Variants in SKAP1 observed in about 807,000 individuals in gnomAD.
SKAP1 encodes src kinase associated phosphoprotein 1, also known as src kinase-associated phosphoprotein 1.
SKAP1 carries 44 observed loss-of-function variants against 58.5 expected under a neutral mutation model. The observed-to-expected ratio is 0.75, with a 90% CI of 0.59 to 0.97. The LOEUF is 0.97. Ranked by LOEUF, SKAP1 falls within the 50% of genes least tolerant of loss-of-function variation. The pLI is 0.00. For synonymous variants in SKAP1, 127 were observed against 149.7 expected (o/e 0.85, Z 1.11); for missense variants, 390 against 435.2 (o/e 0.90, Z 0.92).
At chr17:48,193,100 G>A (rs935280945) in intron 4 of SKAP1, among the ~76,000 whole-genome samples, 1 of 152,096 alleles carries the variant, frequency 6.6e-6, no homozygotes, top group African/African-American at 2.4e-5. Context: ...GGAGTGTAAT[G>A]GTGTGATCTC....
chr17:48,332,000 A>T (rs2066512966), intron 4 of SKAP1, among the ~76,000 whole-genome samples: 1 of 152,146 alleles, frequency 6.6e-6, no homozygotes, highest in South Asian at 2.1e-4. Flanking sequence ...CTCTCTTCAC[A>T]TTATGTTGTA....
At position 48,396,797 on chromosome 17, in the gene SKAP1, G is replaced by A. The variant is rs895139598; in HGVS notation, c.47-12C>T. The A allele has an allele frequency of 5.6e-6, 9 of 1,594,940 alleles. No individual in the cohort carries two copies. The Admixed American group carries it at 1.5e-4, about 27-fold the overall frequency. ...AAACTCTTCAGCATCTAAAAGAAAA[G>A]GAAAGTTGATAAAACAGAAAAGATG... On this transcript the variant is annotated splice_polypyrimidine_tract_variant and intron_variant, in intron 1 of 12. Transcript: ENST00000336915.
At chr17:48,442,413 A>G in the SKAP1 span, among the ~76,000 whole-genome samples, 1 of 152,096 alleles carries the variant, frequency 6.6e-6, no homozygotes, top group African/African-American at 2.4e-5. Flanking sequence ...AAAGTTTCCA[A>G]TTCTGAGCCC....
chr17:48,305,166 T>G (rs1598542656), intron 4 of SKAP1, among the ~76,000 whole-genome samples: 1 of 152,298 alleles, frequency 6.6e-6, no homozygotes, highest in Non-Finnish European at 1.5e-5. Context: ...AAGTTTTTGT[T>G]GTTGTTGTTG....
At chr17:48,192,909 G>C (rs1311811969) in intron 4 of SKAP1, among the ~76,000 whole-genome samples, 1 of 152,136 alleles carries the variant, frequency 6.6e-6, no homozygotes, top group African/African-American at 2.4e-5. Flanking sequence ...TGCTAAAATT[G>C]GGTACCAAAG....
chr17:48,403,997 G>A (rs1350494692), intron 1 of SKAP1, among the ~76,000 whole-genome samples: 2 of 151,592 alleles, frequency 1.3e-5, no homozygotes, highest in African/African-American at 2.4e-5. Context: ...GCTGAGGCAG[G>A]AGAATCCCTT....
At chr17:48,168,046 T>C (rs969192093) in intron 10 of SKAP1, among the ~76,000 whole-genome samples, 1 of 152,186 alleles carries the variant, frequency 6.6e-6, no homozygotes, top group African/African-American at 2.4e-5. Flanking sequence ...GAGCAATCAA[T>C]ACTACAAGGC....
intron 4 of SKAP1, among the ~76,000 whole-genome samples, chr17:48,205,037 TTCTCTC>T (rs376567367): frequency 3.6e-5 from 2 of 55,742 alleles, no homozygotes; most frequent in Admixed American, 2.5e-4. Context: ...CTTTCTTTCT[TTCTCTC>T]TCTCTCTTTC....
intron 11 of SKAP1, among the ~76,000 whole-genome samples, chr17:48,142,190 C>T (rs757582591): frequency 3.8e-5 from 5 of 131,602 alleles, no homozygotes; most frequent in Non-Finnish European, 6.7e-5. Flanking sequence ...AGGCCGGGCG[C>T]GGTGGCTCAC....
intron 2 of SKAP1, among the ~76,000 whole-genome samples, chr17:48,393,571 T>C (rs150758932): frequency 1.2e-4 from 19 of 152,098 alleles, no homozygotes; most frequent in South Asian, 1.2e-3. Context: ...TTACAGCAAG[T>C]CCACAACCAT....
At chr17:48,369,911 C>T (rs1389632705) in intron 2 of SKAP1, among the ~76,000 whole-genome samples, 1 of 152,178 alleles carries the variant, frequency 6.6e-6, no homozygotes, top group East Asian at 1.9e-4. Context: ...TTAACTGAGT[C>T]TTTCTCTAAA....
intron 4 of SKAP1, among the ~76,000 whole-genome samples, chr17:48,239,181 A>G (rs2065215255): frequency 6.6e-6 from 1 of 152,188 alleles, no homozygotes; most frequent in South Asian, 2.1e-4. Context: ...TAACACAATA[A>G]CCATCTCTGG....
At chr17:48,136,828 A>AT (rs34823377) in intron 12 of SKAP1, 64 of 149,972 alleles carry the variant, frequency 4.3e-4, no homozygotes, top group African/African-American at 8.7e-4. Context: ...CACCTGACTA[A>AT]TTTTTTTTTT....
the SKAP1 span, among the ~76,000 whole-genome samples, chr17:48,437,283 C>T: frequency 6.6e-6 from 1 of 152,148 alleles, no homozygotes; most frequent in African/African-American, 2.4e-5. Context: ...TCAGAAAGAC[C>T]TGGGTCCCGT....
In SKAP1 at chr17:48,197,888, A is replaced by C. The variant is rs185898774; in HGVS notation, c.281-8388T>G. 1.3e-3 allele frequency among the ~76,000 whole-genome samples: 196 copies of C among 152,316 alleles called. 1 individual carries two copies. Among genetic ancestry groups the C allele is most frequent in the African/African-American group, 4.4e-3 (182 of 41,548 alleles). On this transcript the variant is annotated intron_variant, in intron 4 of 12. Transcript: ENST00000336915. ...TGTCTAGGAGACCTGTGGTCTTGCA[A>C]GATGCTCTCTTCCACATCTTCACTT... is the stretch of plus-strand genomic sequence containing the variant.
chr17:48,322,107 C>CAA (rs530952123), intron 4 of SKAP1, among the ~76,000 whole-genome samples: 33 of 152,334 alleles, frequency 2.2e-4, no homozygotes, highest in African/African-American at 7.2e-4. Flanking sequence ...GACTGTACTT[C>CAA]AAAGCCTACT....
At chr17:48,139,529 G>A (rs2063743754) in intron 11 of SKAP1, among the ~76,000 whole-genome samples, 1 of 152,134 alleles carries the variant, frequency 6.6e-6, no homozygotes, top group Admixed American at 6.5e-5. Context: ...CAGTTCAATT[G>A]GATTTGGGGT....
At chr17:48,359,328 T>C (rs1057336944) in intron 3 of SKAP1, among the ~76,000 whole-genome samples, 2 of 152,162 alleles carry the variant, frequency 1.3e-5, no homozygotes, top group Non-Finnish European at 2.9e-5. Context: ...CACCTCTCTC[T>C]GAAATAAAGA....
chr17:48,414,905 C>G (rs1242363838), intron 1 of SKAP1, among the ~76,000 whole-genome samples: 1 of 152,164 alleles, frequency 6.6e-6, no homozygotes, highest in African/African-American at 2.4e-5. Context: ...CAAAGCTGCT[C>G]TTCTGTTTAT....
Sources: gnomAD v4.1 joint callset for allele counts (sites outside exome capture counted in the v4.1 genomes callset) on GRCh38, gnomAD v4.1.1 for gene constraint, MANE v1.5 for transcripts, NCBI Gene and HGNC (gene_info 2026-07-23, HGNC 2026-07-21) for gene names.